The following INPP4B variants were observed in gnomAD, a reference collection of about 807,000 sequenced individuals.
The protein encoded by INPP4B is inositol polyphosphate 4-phosphatase type II.
Under a neutral mutation model 122.5 loss-of-function variants are expected in INPP4B, and 55 were observed. The observed-to-expected ratio is 0.45, with a 90% CI of 0.36 to 0.56. The LOEUF (loss-of-function observed/expected upper bound fraction) is 0.56, where lower values mean the gene tolerates loss of function less well. Among genes scored for constraint, INPP4B ranks in the 20% least tolerant of loss-of-function variants. The pLI, the probability that INPP4B is intolerant of heterozygous loss-of-function variation, is 0.00. For synonymous variants in INPP4B, 403 were observed against 388.7 expected (o/e 1.04, Z -0.43); for missense variants, 1,000 against 1,097.7 (o/e 0.91, Z 1.26).
chr4:142,737,129 A>G (rs1284854780), intron 1 of INPP4B, among the ~76,000 whole-genome samples: 1 of 152,152 alleles, frequency 6.6e-6, no homozygotes, highest in African/African-American at 2.4e-5. Flanking sequence ...TTCATATGGA[A>G]CCAAAAAAGA....
At chr4:142,403,695 T>A (rs1267697523) in intron 6 of INPP4B, among the ~76,000 whole-genome samples, 1 of 152,224 alleles carries the variant, frequency 6.6e-6, no homozygotes, top group Admixed American at 6.5e-5. Flanking sequence ...CATTAAATTT[T>A]ATACATATAT....
intron 25 of INPP4B, among the ~76,000 whole-genome samples, chr4:142,068,003 A>G (rs1173497720): frequency 6.6e-6 from 1 of 152,192 alleles, no homozygotes; most frequent in Non-Finnish European, 1.5e-5. Context: ...ACTCCTCGAG[A>G]AGAGCAACTC....
At chr4:142,806,774 A>G (rs548157634) in intron 1 of INPP4B, among the ~76,000 whole-genome samples, 92 of 89,196 alleles carry the variant, frequency 1.0e-3, no homozygotes, top group Non-Finnish European at 2.0e-3. Flanking sequence ...GAAGAAAGAA[A>G]GAAAGAAAGA....
intron 7 of INPP4B, among the ~76,000 whole-genome samples, chr4:142,393,838 C>T (rs979323368): frequency 6.6e-6 from 1 of 152,252 alleles, no homozygotes; most frequent in Non-Finnish European, 1.5e-5. Context: ...TTTCTGTATG[C>T]CACCTCCGTT....
chr4:142,304,287 A>G (rs1241952477), intron 9 of INPP4B, among the ~76,000 whole-genome samples: 1 of 152,136 alleles, frequency 6.6e-6, no homozygotes, highest in Non-Finnish European at 1.5e-5. Context: ...TAACAGCAGC[A>G]AAACTGTATT....
chr4:142,097,216 T>G (rs9884531), intron 23 of INPP4B, among the ~76,000 whole-genome samples: 27,968 of 66,186 alleles, frequency 0.42, 3,204 homozygotes, highest in South Asian at 0.57. Context: ...TTTTGTTTAT[T>G]TTATGTTATT....
rs546017942 is a variant in INPP4B at position 142,333,397 on chromosome 4, G to A, written c.373-18635C>T. On this transcript the variant is annotated intron_variant, in intron 7 of 25. Coordinates refer to ENST00000262992, the MANE Select transcript of INPP4B (RefSeq NM_001101669.3). ...GAAGCCTGAAACAATTGATGCATTC[G>A]TTGAAAACGAAGGAATGTTTTCTAA... is the stretch of plus-strand genomic sequence containing the variant. Among the ~76,000 whole-genome samples, 21 of 152,260 alleles carry A rather than the reference G, an allele frequency of 1.4e-4. No homozygotes were observed. In the East Asian group the frequency reaches 3.9e-3, roughly 28 times the overall value.
chr4:142,425,302 T>C (rs907616922), intron 5 of INPP4B: 4 of 151,962 alleles, frequency 2.6e-5, no homozygotes, highest in African/African-American at 9.7e-5. Flanking sequence ...ATACAAGAAG[T>C]ATGAGAATGA....
At chr4:142,543,156 T>C (rs955400832) in intron 2 of INPP4B, among the ~76,000 whole-genome samples, 2 of 152,168 alleles carry the variant, frequency 1.3e-5, no homozygotes, top group Admixed American at 6.5e-5. Context: ...TAAAGCACAA[T>C]ATTCTTACAT....
At chr4:142,377,183 C>G (rs1792244605) in intron 7 of INPP4B, among the ~76,000 whole-genome samples, 1 of 151,822 alleles carries the variant, frequency 6.6e-6, no homozygotes. Context: ...TGGCTCCAAA[C>G]AATCTAACCT....
At chr4:142,296,643 CAGATA>C (rs1412707035) in intron 9 of INPP4B, among the ~76,000 whole-genome samples, 1 of 152,238 alleles carries the variant, frequency 6.6e-6, no homozygotes, top group Non-Finnish European at 1.5e-5. Context: ...CCCCATTTCA[CAGATA>C]AGATAACTTA....
At chr4:142,532,974 A>T (rs1429119451) in intron 2 of INPP4B, among the ~76,000 whole-genome samples, 1 of 152,206 alleles carries the variant, frequency 6.6e-6, no homozygotes, top group Admixed American at 6.5e-5. Context: ...GAGTTTTTAA[A>T]TATTAATGCT....
At chr4:142,661,932 T>C (rs916324293) in intron 2 of INPP4B, among the ~76,000 whole-genome samples, 2 of 152,018 alleles carry the variant, frequency 1.3e-5, no homozygotes, top group African/African-American at 4.8e-5. Context: ...GCATAATTGG[T>C]CAGAAGAGTG....
intron 12 of INPP4B, among the ~76,000 whole-genome samples, chr4:142,229,582 A>G (rs1399603792): frequency 4.6e-5 from 7 of 152,146 alleles, no homozygotes; most frequent in Admixed American, 3.9e-4. Flanking sequence ...GAAAATGCCA[A>G]TGTTTTGATA....
chr4:142,245,817 CATATATGTGTAT>C (rs1561597743), intron 11 of INPP4B, among the ~76,000 whole-genome samples: 7 of 122,162 alleles, frequency 5.7e-5, no homozygotes, highest in Non-Finnish European at 8.5e-5. Flanking sequence ...TGTATGTATA[CATATATGTGTAT>C]GTATACATAT....
At chr4:142,749,064 T>C (rs1158052672) in intron 1 of INPP4B, among the ~76,000 whole-genome samples, 1 of 151,354 alleles carries the variant, frequency 6.6e-6, no homozygotes, top group Non-Finnish European at 1.5e-5. Flanking sequence ...TACTTGAACC[T>C]GGGAGGAGAA....
chr4:142,451,246 G>GTTTT (rs758479962), intron 3 of INPP4B, among the ~76,000 whole-genome samples: 444 of 97,704 alleles, frequency 4.5e-3, no homozygotes, highest in Non-Finnish European at 5.7e-3. Context: ...TGTTGCTGTT[G>GTTTT]TTTTTTTTTT....
At chr4:142,754,196 A>G (rs1224540183) in intron 1 of INPP4B, among the ~76,000 whole-genome samples, 2 of 151,974 alleles carry the variant, frequency 1.3e-5, no homozygotes, top group Non-Finnish European at 2.9e-5. Flanking sequence ...AATTCCATGG[A>G]TTCTCAAACA....
chr4:142,200,276 A>T lies in INPP4B; in HGVS notation c.1073-7081T>A, dbSNP rs552815300. Among the ~76,000 whole-genome samples, 92 of 151,942 alleles carry T rather than the reference A, an allele frequency of 6.1e-4. No individual in the cohort carries two copies. In the Middle Eastern group the frequency reaches 0.01, roughly 17 times the overall value. The stretch of plus-strand genomic sequence containing the variant: ...ATGTATACCTATTCTATTAAAAAAA[A>T]TTTTTTTAGCATGTCATTACTTTCT... On this transcript the variant is annotated intron_variant, in intron 14 of 25. Transcript: ENST00000262992.
Sources: gnomAD v4.1 joint callset for allele counts (sites outside exome capture counted in the v4.1 genomes callset) on GRCh38, gnomAD v4.1.1 for gene constraint, MANE v1.5 for transcripts, NCBI Gene and HGNC (gene_info 2026-07-23, HGNC 2026-07-21) for gene names.